FAM184A: variants seen among roughly 807,000 people sequenced by gnomAD.
The protein encoded by FAM184A is family with sequence similarity 184 member A.
A neutral mutation model predicts 143.8 loss-of-function variants in FAM184A; 99 were observed. The observed-to-expected ratio is 0.69, with a 90% CI of 0.58 to 0.81. The LOEUF is 0.81. FAM184A is among the 40% of genes least tolerant of loss of function. FAM184A has a pLI of 0.00. For synonymous variants in FAM184A, 427 were observed against 446.4 expected, an observed-to-expected ratio of 0.96 and a Z score of 0.55; for missense variants, 1,217 against 1,310.5, an observed-to-expected ratio of 0.93 and a Z score of 1.10.
chr6:119,113,090 C>CA (rs1227377758), intron 1 of FAM184A, among the ~76,000 whole-genome samples: 1 of 152,188 alleles, frequency 6.6e-6, no homozygotes, highest in African/African-American at 2.4e-5. Flanking sequence ...TGGCTGCAGC[C>CA]ACTGACTGAG....
rs1401843172 is a variant in FAM184A at position 119,016,834 on chromosome 6, C to G, written c.1443G>C (p.Lys481Asn). ...GCTTCCAAGCTAATTCTTCCAAAGT[C>G]TTAGAATGGGCCTCGTTTAATTGAG... The part of the protein sequence containing the change: ...EVTQLNEAHS[K>N]TLEELAWKHH... The change falls in exon 5 of 18, where the codon AAG becomes AAC. Residue 481 changes from lysine to asparagine, a missense_variant. By Grantham distance (94) the Lys-to-Asn change is moderately conservative. Transcript: ENST00000338891. 1 of 1,614,040 alleles carries G rather than the reference C, an allele frequency of 6.2e-7. No homozygotes were observed. Among genetic ancestry groups the G allele is most frequent in the East Asian group, 2.2e-5 (1 of 44,886 alleles).
chr6:119,042,180 A>C (rs913757286), intron 1 of FAM184A, among the ~76,000 whole-genome samples: 7 of 152,220 alleles, frequency 4.6e-5, no homozygotes, highest in Non-Finnish European at 7.3e-5. Context: ...AACCGGGGGT[A>C]CATGGTAAGA....
intron 9 of FAM184A, among the ~76,000 whole-genome samples, chr6:118,985,055 C>T (rs1784150110): frequency 6.6e-6 from 1 of 152,218 alleles, no homozygotes; most frequent in African/African-American, 2.4e-5. Flanking sequence ...TGCCTTACTG[C>T]AGACTGTAAT....
chr6:118,963,794 A>C (rs1783408782), intron 16 of FAM184A: 1 of 151,866 alleles, frequency 6.6e-6, no homozygotes, highest in Non-Finnish European at 1.5e-5. Flanking sequence ...ATAATCATTT[A>C]TTCTTTATGA....
intron 7 of FAM184A, chr6:119,005,405 C>T (rs1385358123): frequency 6.6e-6 from 1 of 152,152 alleles, no homozygotes; most frequent in Non-Finnish European, 1.5e-5. Flanking sequence ...GCCCCACACA[C>T]AAGGTAAATT....
chr6:119,011,889 A>T (rs181703371), intron 5 of FAM184A, among the ~76,000 whole-genome samples: 1 of 152,340 alleles, frequency 6.6e-6, no homozygotes, highest in Admixed American at 6.5e-5. Flanking sequence ...TAAAACTGAT[A>T]ATTACTGAAG....
At chr6:119,033,126 TA>T (rs1209913832) in intron 1 of FAM184A, among the ~76,000 whole-genome samples, 1 of 152,206 alleles carries the variant, frequency 6.6e-6, no homozygotes. Flanking sequence ...CTAAGTAGCT[TA>T]CTAAGGGAAT....
At chr6:119,050,571 C>G (rs1786716922) in intron 1 of FAM184A, among the ~76,000 whole-genome samples, 1 of 151,288 alleles carries the variant, frequency 6.6e-6, no homozygotes, top group Non-Finnish European at 1.5e-5. Flanking sequence ...CTTTGGGAGG[C>G]TGAGGCGGGT....
intron 1 of FAM184A, among the ~76,000 whole-genome samples, chr6:119,051,981 G>A (rs1294309692): frequency 6.6e-6 from 1 of 152,188 alleles, no homozygotes; most frequent in Non-Finnish European, 1.5e-5. Context: ...TTCCCAGACA[G>A]CAGTATCTAT....
At chr6:119,066,056 GAA>G (rs1787442194) in intron 1 of FAM184A, among the ~76,000 whole-genome samples, 3 of 152,170 alleles carry the variant, frequency 2.0e-5, no homozygotes, top group Non-Finnish European at 1.5e-5. Context: ...TACAGGGAAG[GAA>G]GAGAGGACAC....
At chr6:119,053,726 A>G (rs1020135254) in intron 1 of FAM184A, among the ~76,000 whole-genome samples, 1 of 152,192 alleles carries the variant, frequency 6.6e-6, no homozygotes, top group African/African-American at 2.4e-5. Flanking sequence ...GAGTGGAAAA[A>G]TGATTGACAA....
intron 9 of FAM184A, among the ~76,000 whole-genome samples, chr6:118,992,870 C>T (rs1286851817): frequency 6.6e-6 from 1 of 152,280 alleles, no homozygotes; most frequent in Non-Finnish European, 1.5e-5. Context: ...GTCAAGACCA[C>T]ACTGAGCCAT....
chr6:119,100,915 C>T lies in FAM184A; in HGVS notation c.-202+48163G>A, dbSNP rs537556467. Among the ~76,000 whole-genome samples the T allele has an allele frequency of 2.2e-3, 331 of 151,634 alleles. 2 individuals carry two copies. The highest frequency in any genetic ancestry group is 6.5e-3 in the South Asian group (31 of 4,766). On this transcript the variant is annotated intron_variant, in intron 1 of 16. Coordinates refer to the FAM184A transcript ENST00000352896. ...GGGCAGTTGCAGTGAGCTGAGATCA[C>T]GCCACTGCACTCCAGCCTGGGCAAC...
chr6:118,984,850 C>T (rs1784142992), intron 9 of FAM184A, among the ~76,000 whole-genome samples: 1 of 152,114 alleles, frequency 6.6e-6, no homozygotes, highest in African/African-American at 2.4e-5. Flanking sequence ...TGCCCTGATC[C>T]CTTGAGATTC....
chr6:118,962,266 C>T, intron 16 of FAM184A: 2 of 308,222 alleles, frequency 6.5e-6, no homozygotes, highest in Non-Finnish European at 1.2e-5. Context: ...AAAGAATACC[C>T]TTTTGGGAAG....
intron 1 of FAM184A, among the ~76,000 whole-genome samples, chr6:119,141,475 CTTTAT>C (rs71556827): frequency 0.2 from 30,120 of 151,676 alleles, 3,654 homozygotes; most frequent in East Asian, 0.35. Context: ...GCCTGAACTC[CTTTAT>C]TTTATTTTAT....
chr6:119,142,130 T>G (rs1282265476), intron 1 of FAM184A, among the ~76,000 whole-genome samples: 2 of 152,152 alleles, frequency 1.3e-5, no homozygotes, highest in Admixed American at 6.5e-5. Context: ...TCCCAGCAAA[T>G]CTATTTTGTA....
At chr6:119,015,497 C>T (rs552004985) in intron 5 of FAM184A, among the ~76,000 whole-genome samples, 1 of 152,172 alleles carries the variant, frequency 6.6e-6, no homozygotes, top group Non-Finnish European at 1.5e-5. Flanking sequence ...TGTACTGGGT[C>T]CCCCAGCAGT....
Position 118,970,008 on chromosome 6 carries a change from A to ATATATATATATTTTT in FAM184A, c.2916-3057_2916-3056insAAAAATATATATATA. On this transcript the variant is annotated intron_variant, in intron 14 of 17. Transcript: ENST00000338891. ...ATATATATATAATATATATATATAT[A>ATATATATATATTTTT]TTTTTTTTTTTTTGAGATGGAGTTT... is the stretch of plus-strand genomic sequence containing the variant. Among the ~76,000 whole-genome samples the ATATATATATATTTTT allele has an allele frequency of 2.1e-4, 4 of 19,044 alleles. 1 individual carries two copies. Among genetic ancestry groups the ATATATATATATTTTT allele is most frequent in the Non-Finnish European group, 2.3e-4 (2 of 8,882 alleles). 12.5% of individuals were successfully genotyped at this position (19,044 alleles called of 152,430 possible). A position where few individuals can be genotyped will look rare whatever the true frequency, so the allele number is the denominator to read the frequency against.
Sources: allele counts gnomAD v4.1 joint callset (sites outside exome capture counted in the v4.1 genomes callset), GRCh38; gene constraint gnomAD v4.1.1; transcripts MANE v1.5; gene names NCBI Gene and HGNC (gene_info 2026-07-23, HGNC 2026-07-21).